The following LRRC4C variants were observed in gnomAD, a reference collection of about 807,000 sequenced individuals.
LRRC4C encodes leucine-rich repeat-containing protein 4C.
Under a neutral mutation model 33.6 loss-of-function variants are expected in LRRC4C, and 5 were observed. That is an observed-to-expected ratio of 0.15 (90% CI 0.08 to 0.31). The LOEUF (loss-of-function observed/expected upper bound fraction) is 0.31. Among genes scored for constraint, LRRC4C ranks in the 10% least tolerant of loss-of-function variants. The pLI, the probability that LRRC4C is intolerant of heterozygous loss-of-function variation, is 1.00. For missense variants in LRRC4C, 560 were observed against 796.7 expected, an observed-to-expected ratio of 0.70 and a Z score of 3.58; for synonymous variants, 329 against 302.0, an observed-to-expected ratio of 1.09 and a Z score of -0.93.
At chr11:40,798,284 G>T (rs554500202) in intron 2 of LRRC4C, among the ~76,000 whole-genome samples, 257 of 152,328 alleles carry the variant, frequency 1.7e-3, no homozygotes, top group African/African-American at 6.1e-3. Flanking sequence ...ACCATATGCT[G>T]TGGGTCAGCC....
intron 1 of LRRC4C, among the ~76,000 whole-genome samples, chr11:41,165,843 A>T (rs1458170035): frequency 6.6e-6 from 1 of 152,082 alleles, no homozygotes; most frequent in Non-Finnish European, 1.5e-5. Flanking sequence ...CAGAATGGCC[A>T]ACATGGTGAA....
intron 1 of LRRC4C, among the ~76,000 whole-genome samples, chr11:41,298,850 TGTGTAC>T (rs1950212163): frequency 1.3e-5 from 2 of 152,198 alleles, no homozygotes; most frequent in African/African-American, 4.8e-5. Flanking sequence ...TATGTTCATT[TGTGTAC>T]GTTATTCAGC....
At chr11:40,943,611 A>G (rs919591674) in intron 1 of LRRC4C, among the ~76,000 whole-genome samples, 3 of 152,188 alleles carry the variant, frequency 2.0e-5, no homozygotes, top group African/African-American at 7.2e-5. Flanking sequence ...GCCACCACAC[A>G]GATTCTAATA....
intron 1 of LRRC4C, among the ~76,000 whole-genome samples, chr11:41,202,340 T>C (rs1252754920): frequency 6.6e-6 from 1 of 152,188 alleles, no homozygotes; most frequent in East Asian, 1.9e-4. Flanking sequence ...ATAGAATCAA[T>C]AGCAGCTCAT....
chr11:41,143,078 T>A (rs1943579556), intron 1 of LRRC4C, among the ~76,000 whole-genome samples: 1 of 152,140 alleles, frequency 6.6e-6, no homozygotes, highest in Admixed American at 6.5e-5. Flanking sequence ...GTAGAGGAGC[T>A]GGAGTAAAAA....
chr11:41,091,291 C>T (rs949399097), intron 1 of LRRC4C, among the ~76,000 whole-genome samples: 1 of 151,840 alleles, frequency 6.6e-6, no homozygotes, highest in Non-Finnish European at 1.5e-5. Flanking sequence ...ATTGAAAATA[C>T]AGAAATGGAA....
intron 1 of LRRC4C, among the ~76,000 whole-genome samples, chr11:41,131,792 C>T (rs1323035274): frequency 6.6e-6 from 1 of 152,078 alleles, no homozygotes; most frequent in East Asian, 1.9e-4. Flanking sequence ...TCTGTTCATC[C>T]TCACTGTTCA....
At chr11:41,164,313 C>T (rs528171570) in intron 1 of LRRC4C, among the ~76,000 whole-genome samples, 1 of 151,606 alleles carries the variant, frequency 6.6e-6, no homozygotes, top group South Asian at 2.1e-4. Flanking sequence ...CATCTTGTTC[C>T]AGTAGAAAGT....
chr11:41,431,357 T>G (rs1468812858), intron 1 of LRRC4C, among the ~76,000 whole-genome samples: 1 of 151,790 alleles, frequency 6.6e-6, no homozygotes, highest in Admixed American at 6.6e-5. Flanking sequence ...AAAGTTAATT[T>G]TTAATAAAAG....
intron 6 of LRRC4C, among the ~76,000 whole-genome samples, chr11:40,139,144 A>G (rs1303518662): frequency 6.6e-6 from 1 of 152,204 alleles, no homozygotes; most frequent in Non-Finnish European, 1.5e-5. Context: ...AACTGAGGGG[A>G]AAAGAGTTTC....
At chr11:40,379,518 T>G (rs1382314155) in intron 3 of LRRC4C, among the ~76,000 whole-genome samples, 1 of 152,166 alleles carries the variant, frequency 6.6e-6, no homozygotes, top group African/African-American at 2.4e-5. Context: ...AAGCTGAAAT[T>G]ACTTTTATCT....
intron 1 of LRRC4C, among the ~76,000 whole-genome samples, chr11:41,289,188 A>G (rs1949922758): frequency 6.6e-6 from 1 of 152,212 alleles, no homozygotes. Flanking sequence ...TTTCTCTTTA[A>G]TGAGAAAATA....
chr11:41,148,840 T>C (rs1943850979), intron 1 of LRRC4C, among the ~76,000 whole-genome samples: 1 of 152,154 alleles, frequency 6.6e-6, no homozygotes, highest in Non-Finnish European at 1.5e-5. Flanking sequence ...AAATTCTATG[T>C]AAAATCCTGA....
chr11:41,379,104 C>A (rs192820216), intron 1 of LRRC4C, among the ~76,000 whole-genome samples: 17 of 152,082 alleles, frequency 1.1e-4, no homozygotes, highest in Middle Eastern at 3.4e-3. Flanking sequence ...GGGTAGGGCC[C>A]TGTATCTAAG....
chr11:40,797,679 T>C (rs976229653), intron 2 of LRRC4C, among the ~76,000 whole-genome samples: 4 of 152,180 alleles, frequency 2.6e-5, no homozygotes, highest in Non-Finnish European at 4.4e-5. Flanking sequence ...TAAGAAGTTA[T>C]TGTATACTTT....
intron 2 of LRRC4C, among the ~76,000 whole-genome samples, chr11:40,904,003 T>G (rs1956315279): frequency 6.6e-6 from 1 of 152,076 alleles, no homozygotes; most frequent in South Asian, 2.1e-4. Flanking sequence ...CAAAAATGAC[T>G]GAAGTACCAA....
At chr11:41,231,796 T>G (rs1947811871) in intron 1 of LRRC4C, among the ~76,000 whole-genome samples, 1 of 151,886 alleles carries the variant, frequency 6.6e-6, no homozygotes, top group Non-Finnish European at 1.5e-5. Flanking sequence ...TATATATGTA[T>G]ATATACAAAT....
intron 2 of LRRC4C, among the ~76,000 whole-genome samples, chr11:40,717,789 C>A (rs1946806404): frequency 6.6e-6 from 1 of 152,172 alleles, no homozygotes; most frequent in African/African-American, 2.4e-5. Context: ...AAATCAAACT[C>A]TATCTAAATC....
chr11:40,874,339 C>A (rs1361569114), intron 2 of LRRC4C, among the ~76,000 whole-genome samples: 1 of 152,016 alleles, frequency 6.6e-6, no homozygotes, highest in Non-Finnish European at 1.5e-5. Context: ...TTTCCAGTAA[C>A]TCTCCACATC....
Sources: allele counts gnomAD v4.1 joint callset (sites outside exome capture counted in the v4.1 genomes callset), GRCh38; gene constraint gnomAD v4.1.1; transcripts MANE v1.5; gene names NCBI Gene and HGNC (gene_info 2026-07-23, HGNC 2026-07-21).